The following OSBPL6 variants were observed in gnomAD, a reference collection of about 807,000 sequenced individuals.
The protein encoded by OSBPL6 is oxysterol-binding protein-related protein 6.
In OSBPL6, 49 loss-of-function variants were observed where a neutral mutation model predicts 125.8. The ratio of observed to expected loss-of-function variants is 0.39; its 90% CI spans 0.31 to 0.49. The LOEUF is 0.49. Ranked by LOEUF, OSBPL6 falls within the 20% of genes least tolerant of loss-of-function variation. OSBPL6 has a pLI of 0.88. For missense variants in OSBPL6, 986 were observed against 1,135.4 expected (o/e 0.87, Z 1.89); for synonymous variants, 394 against 391.8 (o/e 1.01, Z -0.07).
chr2:178,374,220 G>A (rs1212721789), intron 15 of OSBPL6, among the ~76,000 whole-genome samples, 193 bp downstream of exon 15: 3 of 152,104 alleles, frequency 2.0e-5, no homozygotes, highest in African/African-American at 4.8e-5. Context: ...AGCACTTAAC[G>A]TTTCTGAGCA....
intron 1 of OSBPL6, among the ~76,000 whole-genome samples, chr2:178,217,002 G>A (rs2090120496): frequency 6.6e-6 from 1 of 152,196 alleles, no homozygotes; most frequent in South Asian, 2.1e-4. Context: ...CTGTTGGGAC[G>A]AGCTGAATGG....
chr2:178,269,632 G>C (rs1006635697), intron 1 of OSBPL6, among the ~76,000 whole-genome samples: 2 of 152,168 alleles, frequency 1.3e-5, no homozygotes, highest in Non-Finnish European at 2.9e-5. Context: ...ATTTTTCCCA[G>C]TGTTAGCATT....
At chr2:178,371,748 A>C (rs1693408119) in intron 13 of OSBPL6, among the ~76,000 whole-genome samples, 1 of 152,222 alleles carries the variant, frequency 6.6e-6, no homozygotes, top group African/African-American at 2.4e-5. Flanking sequence ...TAGAACAAAA[A>C]CATGAAAGAA....
chr2:178,290,761 A>G (rs1315873601), intron 2 of OSBPL6, among the ~76,000 whole-genome samples: 1 of 152,176 alleles, frequency 6.6e-6, no homozygotes, highest in Non-Finnish European at 1.5e-5. Context: ...TTTAGAAACT[A>G]TAGTCAGGCA....
At chr2:178,315,287 GT>G (rs1425503508) in intron 3 of OSBPL6, among the ~76,000 whole-genome samples, 1 of 152,158 alleles carries the variant, frequency 6.6e-6, no homozygotes, top group Non-Finnish European at 1.5e-5. Context: ...GTTGCATGGT[GT>G]TTACGGTACA....
intron 12 of OSBPL6, among the ~76,000 whole-genome samples, chr2:178,351,116 A>G (rs1412031316): frequency 1.3e-5 from 2 of 152,248 alleles, no homozygotes; most frequent in Non-Finnish European, 2.9e-5. Context: ...AAGGTCCTTT[A>G]TTAAAAACAC....
chr2:178,236,667 A>G (rs1202323700), intron 1 of OSBPL6, among the ~76,000 whole-genome samples: 1 of 152,238 alleles, frequency 6.6e-6, no homozygotes, highest in Non-Finnish European at 1.5e-5. Context: ...TGATGCTGGT[A>G]GGAATGTATG....
intron 1 of OSBPL6, among the ~76,000 whole-genome samples, chr2:178,265,467 G>A (rs1010198726): frequency 6.6e-5 from 10 of 151,954 alleles, no homozygotes; most frequent in African/African-American, 2.4e-4. Flanking sequence ...TCCTGCCTTA[G>A]CCTCCCAAAG....
chr2:178,231,869 A>C (rs1051667484), intron 1 of OSBPL6, among the ~76,000 whole-genome samples: 8 of 152,050 alleles, frequency 5.3e-5, no homozygotes, highest in Non-Finnish European at 8.8e-5. Context: ...TGGCTACATT[A>C]CCCAGGCTGG....
At chr2:178,290,053 G>GT (rs1002582277) in intron 2 of OSBPL6, among the ~76,000 whole-genome samples, 6 of 151,966 alleles carry the variant, frequency 3.9e-5, no homozygotes, top group African/African-American at 7.3e-5. Flanking sequence ...TACCCCATCC[G>GT]TTTTTTTCAC....
At chr2:178,344,017 C>T (rs368194788) in intron 11 of OSBPL6, among the ~76,000 whole-genome samples, 173 of 152,230 alleles carry the variant, frequency 1.1e-3, no homozygotes, top group African/African-American at 4.0e-3. Context: ...ACCTTAAAAT[C>T]GCAGGCTGTC....
chr2:178,273,547 TC>T (rs1416057587), intron 1 of OSBPL6, among the ~76,000 whole-genome samples: 2 of 152,002 alleles, frequency 1.3e-5, no homozygotes, highest in Admixed American at 1.3e-4. Flanking sequence ...GCCACTGCAC[TC>T]CAGCCTGGGT....
chr2:178,340,393 A>G (rs904075615), intron 11 of OSBPL6, among the ~76,000 whole-genome samples: 12 of 152,136 alleles, frequency 7.9e-5, no homozygotes, highest in Admixed American at 2.6e-4. Flanking sequence ...GCTTTCAACA[A>G]TCACCTTAAA....
chr2:178,348,728 G>T (rs1170584500), intron 11 of OSBPL6, among the ~76,000 whole-genome samples: 1 of 152,154 alleles, frequency 6.6e-6, no homozygotes, highest in Non-Finnish European at 1.5e-5. Context: ...AGCCATTACT[G>T]TATTTCCTGT....
At chr2:178,337,567 A>G (rs1367957810) in intron 9 of OSBPL6, among the ~76,000 whole-genome samples, 3 of 152,208 alleles carry the variant, frequency 2.0e-5, no homozygotes, top group Admixed American at 2.0e-4. Context: ...TAGCGCAGTA[A>G]GTATTTCTTA....
intron 15 of OSBPL6, among the ~76,000 whole-genome samples, chr2:178,380,675 T>G (rs189403240): frequency 5.0e-4 from 76 of 152,126 alleles, no homozygotes; most frequent in African/African-American, 1.7e-3. Context: ...AGAAATAAAT[T>G]TTAATGTAAT....
At position 178,401,041 on chromosome 2, in the gene OSBPL6, A is replaced by G. The variant is rs1403610254; in HGVS notation, c.*5482A>G. The G allele has an allele frequency of 6.6e-6, 1 of 152,192 alleles. No homozygotes were observed. Among genetic ancestry groups the G allele is most frequent in the East Asian group, 1.9e-4 (1 of 5,204 alleles). 9.4% of individuals were successfully genotyped at this position (152,192 alleles called of 1,614,324 possible). A position where few individuals can be genotyped will look rare whatever the true frequency, so the allele number is the denominator to read the frequency against. Reference sequence around the variant, plus strand: ...TGAAATGCTTAGAAAACAATCATTTATTTTTTTATGTCAAAATGTCCAAGT... The same window carrying G: ...TGAAATGCTTAGAAAACAATCATTTGTTTTTTTATGTCAAAATGTCCAAGT... On this transcript the variant is annotated 3_prime_UTR_variant, in exon 25 of 25. Transcript: ENST00000190611.
intron 2 of OSBPL6, among the ~76,000 whole-genome samples, chr2:178,285,403 C>G (rs186615217): frequency 3.9e-5 from 6 of 151,984 alleles, no homozygotes; most frequent in Admixed American, 6.6e-5. Flanking sequence ...CTGCTTTTCC[C>G]TTCTTGAGCA....
intron 12 of OSBPL6, among the ~76,000 whole-genome samples, chr2:178,349,668 T>C (rs1029443450): frequency 6.6e-6 from 1 of 152,346 alleles, no homozygotes; most frequent in South Asian, 2.1e-4. Context: ...CTACTCAACA[T>C]TTTTTTCAAT....
Sources: allele counts gnomAD v4.1 joint callset (sites outside exome capture counted in the v4.1 genomes callset), GRCh38; gene constraint gnomAD v4.1.1; transcripts MANE v1.5; gene names NCBI Gene and HGNC (gene_info 2026-07-23, HGNC 2026-07-21).